The following RGMA variants were observed in gnomAD, a reference collection of about 807,000 sequenced individuals.
RGMA encodes the protein repulsive guidance molecule A.
In RGMA, 10 loss-of-function variants were observed where a neutral mutation model predicts 23.2. The observed-to-expected ratio is 0.43, with a 90% CI of 0.27 to 0.73. RGMA has a LOEUF of 0.73. RGMA is among the 30% of genes least tolerant of loss of function. The pLI, the probability that RGMA is intolerant of heterozygous loss-of-function variation, is 0.20. For missense variants in RGMA, 547 were observed against 630.5 expected (o/e 0.87, Z 1.42); for synonymous variants, 308 against 279.3 (o/e 1.10, Z -1.03).
chr15:93,038,569 G>GTTGTTGTTTTTTTTTTTTTTTTTTTTTT lies in RGMA; in HGVS notation c.*6428_*6429insAAAAAAAAAAAAAAAAAAAAAACAACAA, dbSNP rs1471553159. 2 of 100,224 alleles carry GTTGTTGTTTTTTTTTTTTTTTTTTTTTT rather than the reference G, an allele frequency of 2.0e-5. No homozygotes were observed. Among genetic ancestry groups the GTTGTTGTTTTTTTTTTTTTTTTTTTTTT allele is most frequent in the African/African-American group, 6.5e-5 (2 of 30,862 alleles). 6.2% of individuals were successfully genotyped at this position (100,224 alleles called of 1,614,324 possible). ...GCCTTAATGAACGAAACTGTTAGTT[G>GTTGTTGTTTTTTTTTTTTTTTTTTTTTT]TTTTTTTTTTTTTTTTGAGACGGTG... On this transcript the variant is annotated 3_prime_UTR_variant, in exon 4 of 4. Transcript: ENST00000329082.
chr15:93,061,156 G>A (rs1274426039), intron 2 of RGMA, among the ~76,000 whole-genome samples: 1 of 152,198 alleles, frequency 6.6e-6, no homozygotes, highest in African/African-American at 2.4e-5. Flanking sequence ...AAGCCTATCA[G>A]GAGATTTACT....
intron 2 of RGMA, chr15:93,063,148 G>A (rs1367772641): frequency 6.6e-6 from 1 of 152,364 alleles, no homozygotes; most frequent in South Asian, 2.1e-4. Context: ...AGGGAGAGCA[G>A]CTTAAAAAAG....
intron 1 of RGMA, chr15:93,073,851 C>G (rs779550018): frequency 6.7e-7 from 1 of 1,491,210 alleles, no homozygotes; most frequent in African/African-American, 1.4e-5. Flanking sequence ...TGAGGGCCTG[C>G]GGGCCTAACC....
At chr15:93,072,567 C>T (rs1381199975) in intron 2 of RGMA, among the ~76,000 whole-genome samples, 1 of 151,870 alleles carries the variant, frequency 6.6e-6, no homozygotes, top group East Asian at 2.0e-4. Flanking sequence ...TCCCCAGCAC[C>T]GAGGGCGTGC....
rs2054660319 is a variant in RGMA at position 93,036,304 on chromosome 15, T to C, written c.*8694A>G. ...ATCGGGGGTGGCCTACAAATGTTTG[T>C]GCCAGGAAGGAAGGGAAGAAGGACT... On this transcript the variant is annotated 3_prime_UTR_variant, in exon 4 of 4. Transcript: ENST00000329082. The C allele has an allele frequency of 6.6e-6, 1 of 152,220 alleles. No homozygotes were observed. 9.4% of individuals were successfully genotyped at this position (152,220 alleles called of 1,614,324 possible).
intron 3 of RGMA, among the ~76,000 whole-genome samples, chr15:93,050,403 G>C (rs1303635348): frequency 6.6e-6 from 1 of 152,200 alleles, no homozygotes; most frequent in Non-Finnish European, 1.5e-5. Flanking sequence ...GACTGACTTG[G>C]CCACAGACAC....
In RGMA at chr15:93,039,277, T is replaced by A. The variant is rs1316756082; in HGVS notation, c.*5721A>T. ...CAGTCATGGTAAATGGCACCACCATTTCCCCAGGTGCTCAGACCCCTGGGG... is the reference window on the plus strand; with the variant it reads ...CAGTCATGGTAAATGGCACCACCATATCCCCAGGTGCTCAGACCCCTGGGG... On this transcript the variant is annotated 3_prime_UTR_variant, in exon 4 of 4. Coordinates refer to ENST00000329082, the MANE Select transcript of RGMA (RefSeq NM_020211.3). 2.0e-5 allele frequency: 3 copies of A among 152,096 alleles called. No homozygotes were observed. Among genetic ancestry groups the A allele is most frequent in the African/African-American group, 7.2e-5 (3 of 41,384 alleles). 9.4% of individuals were successfully genotyped at this position (152,096 alleles called of 1,614,324 possible).
chr15:93,045,746 TGGGAGGAGGCACAGC>T lies in RGMA; in HGVS notation c.646-56_646-42del, dbSNP rs2054815527. On this transcript the variant is annotated intron_variant, in intron 3 of 3. Transcript: ENST00000329082. This position sits in a 1 kb window ranked among gnomAD's most constrained non-coding sequence, Gnocchi z 6.9. ...GCAGAGGAGAGTGGGTGAGGCACAG[TGGGAGGAGGCACAGC>T]CCCACACTTAAGATGCTCTAGACTG... 6.9e-7 allele frequency: 1 copy of T among 1,440,568 alleles called. No homozygotes were observed. The highest frequency in any genetic ancestry group is 9.6e-7 in the Non-Finnish European group (1 of 1,038,786). The allele number at this position is 1,440,568 out of a possible 1,614,324, so 89.2% of individuals were successfully genotyped here.
At position 93,042,948 on chromosome 15, in the gene RGMA, C is replaced by T. The variant is rs955557394; in HGVS notation, c.*2050G>A. ...CATCCCAGATCTCAGGCTATCCCAC[C>T]CATCTCATCCCAGAGGGCACCATAT... On this transcript the variant is annotated 3_prime_UTR_variant, in exon 4 of 4. Coordinates refer to ENST00000329082, the MANE Select transcript of RGMA (RefSeq NM_020211.3). 6.6e-6 allele frequency: 1 copy of T among 152,160 alleles called. No individual in the cohort carries two copies. Among genetic ancestry groups the T allele is most frequent in the African/African-American group, 2.4e-5 (1 of 41,382 alleles). 9.4% of individuals were successfully genotyped at this position (152,160 alleles called of 1,614,324 possible). A position where few individuals can be genotyped will look rare whatever the true frequency, so the allele number is the denominator to read the frequency against.
chr15:93,081,994 G>A (rs139267975), intron 1 of RGMA, among the ~76,000 whole-genome samples: 28 of 152,320 alleles, frequency 1.8e-4, no homozygotes, highest in South Asian at 4.1e-4. Flanking sequence ...CATGCAGTCC[G>A]AACACAGACT....
At chr15:93,063,355 A>G (rs1353844226) in intron 2 of RGMA, among the ~76,000 whole-genome samples, 1 of 152,220 alleles carries the variant, frequency 6.6e-6, no homozygotes, top group African/African-American at 2.4e-5. Context: ...AGTGAGACTC[A>G]CGCTGCCACC....
At chr15:93,088,591 G>C (rs868276760) in intron 1 of RGMA, 10 of 1,072,682 alleles carry the variant, frequency 9.3e-6, no homozygotes, top group South Asian at 3.5e-5. Flanking sequence ...GGCTCCGTCC[G>C]GGGCTCCGCG....
intron 1 of RGMA, among the ~76,000 whole-genome samples, chr15:93,080,594 C>T (rs539946115): frequency 3.3e-5 from 5 of 152,294 alleles, no homozygotes; most frequent in Admixed American, 2.0e-4. Context: ...CCTACTCCAT[C>T]CTCTTGCTCT....
At chr15:93,055,042 C>G (rs1048362979) in intron 2 of RGMA, among the ~76,000 whole-genome samples, 1 of 152,112 alleles carries the variant, frequency 6.6e-6, no homozygotes, top group East Asian at 1.9e-4. Flanking sequence ...AACTGACTGG[C>G]GCGGTGGCCT....
chr15:93,065,964 CCGT>C, intron 2 of RGMA: 6 of 954,358 alleles, frequency 6.3e-6, no homozygotes, highest in Admixed American at 2.0e-5. Flanking sequence ...GTGGGGGGCG[CCGT>C]CGTCTGGGCC....
At position 93,039,496 on chromosome 15, in the gene RGMA, AC is replaced by A. The variant is rs2141778125; in HGVS notation, c.*5501del. ...CCATGGTGGTTTGCTGCACCTATGA[AC>A]CCGTCATCATCTACATTGGGTATTT... On this transcript the variant is annotated 3_prime_UTR_variant, in exon 4 of 4. Transcript: ENST00000329082. 6.6e-6 allele frequency: 1 copy of A among 152,032 alleles called. No individual in the cohort carries two copies. Among genetic ancestry groups the A allele is most frequent in the African/African-American group, 2.4e-5 (1 of 41,426 alleles). 9.4% of individuals were successfully genotyped at this position (152,032 alleles called of 1,614,324 possible). A position where few individuals can be genotyped will look rare whatever the true frequency, so the allele number is the denominator to read the frequency against.
At chr15:93,071,841 G>C (rs1895334950) in intron 2 of RGMA, among the ~76,000 whole-genome samples, 1 of 152,216 alleles carries the variant, frequency 6.6e-6, no homozygotes. Flanking sequence ...CCTGGCTGTG[G>C]TGCGAAACAA....
intron 2 of RGMA, chr15:93,066,136 A>G: frequency 7.4e-7 from 1 of 1,353,832 alleles, no homozygotes; most frequent in Non-Finnish European, 1.1e-6. Context: ...CTTCACGGGC[A>G]CCTCCCCGGG....
chr15:93,082,042 A>G (rs1160709701), intron 1 of RGMA, among the ~76,000 whole-genome samples: 5 of 152,378 alleles, frequency 3.3e-5, no homozygotes, highest in Admixed American at 2.6e-4. Context: ...AGATAGGGAT[A>G]TATTTGCAGA....
Sources: allele counts gnomAD v4.1 joint callset (sites outside exome capture counted in the v4.1 genomes callset), GRCh38; gene constraint gnomAD v4.1.1; non-coding constraint Gnocchi (gnomAD v3.1); transcripts MANE v1.5; gene names NCBI Gene and HGNC (gene_info 2026-07-23, HGNC 2026-07-21).